NAALADL2: variants seen among roughly 807,000 people sequenced by gnomAD.
NAALADL2 encodes the protein N-acetylated alpha-linked acidic dipeptidase like 2, also known as inactive N-acetylated-alpha-linked acidic dipeptidase-like protein 2.
In NAALADL2, 76 loss-of-function variants were observed where a neutral mutation model predicts 87.2. The ratio of observed to expected loss-of-function variants is 0.87; its 90% CI spans 0.72 to 1.05. The LOEUF is 1.05. Ranked by LOEUF, NAALADL2 falls within the 50% of genes least tolerant of loss-of-function variation. NAALADL2 has a pLI of 0.00. For missense variants in NAALADL2, 1,089 were observed against 945.8 expected, an observed-to-expected ratio of 1.15 and a Z score of -1.99; for synonymous variants, 354 against 331.0, an observed-to-expected ratio of 1.07 and a Z score of -0.75.
At chr3:175,399,994 C>T (rs1467362551) in intron 5 of NAALADL2, among the ~76,000 whole-genome samples, 1 of 152,068 alleles carries the variant, frequency 6.6e-6, no homozygotes, top group Non-Finnish European at 1.5e-5. Flanking sequence ...ATGTTCCAGA[C>T]ATCAAACATG....
At chr3:174,851,055 T>C (rs1318523374) in intron 3 of NAALADL2, among the ~76,000 whole-genome samples, 1 of 152,052 alleles carries the variant, frequency 6.6e-6, no homozygotes, top group Non-Finnish European at 1.5e-5. Flanking sequence ...TTTTCAATTC[T>C]AGAAACAAAT....
At chr3:175,320,224 C>A (rs532421468) in intron 4 of NAALADL2, among the ~76,000 whole-genome samples, 3 of 152,100 alleles carry the variant, frequency 2.0e-5, no homozygotes, top group African/African-American at 7.2e-5. Flanking sequence ...AATGAATAAG[C>A]TTTTTACAAA....
intron 2 of NAALADL2, among the ~76,000 whole-genome samples, chr3:174,624,524 T>C (rs1721360882): frequency 1.3e-5 from 2 of 151,738 alleles, no homozygotes; most frequent in Non-Finnish European, 1.5e-5. Context: ...CTTGGGAGGC[T>C]GAGGCAGGAG....
chr3:175,000,849 C>T (rs1005683852), intron 1 of NAALADL2, among the ~76,000 whole-genome samples: 1 of 152,120 alleles, frequency 6.6e-6, no homozygotes, highest in Non-Finnish European at 1.5e-5. Flanking sequence ...ATATTATTTT[C>T]TTTTTACATA....
intron 1 of NAALADL2, chr3:175,079,272 G>C (rs957442544): frequency 2.6e-5 from 4 of 152,082 alleles, no homozygotes; most frequent in Non-Finnish European, 5.9e-5. Flanking sequence ...TTTTTAAATT[G>C]GATTGTCTTT....
At chr3:175,591,810 A>G (rs763744226) in intron 10 of NAALADL2, among the ~76,000 whole-genome samples, 5,752 of 130,116 alleles carry the variant, frequency 0.044, 239 homozygotes, top group Admixed American at 0.086. Flanking sequence ...ATATATATAT[A>G]TATATATATA....
At chr3:174,951,711 A>G (rs1249596670) in intron 1 of NAALADL2, among the ~76,000 whole-genome samples, 1 of 152,134 alleles carries the variant, frequency 6.6e-6, no homozygotes, top group East Asian at 1.9e-4. Flanking sequence ...TTTGTGTTGC[A>G]TCATCCTTCC....
intron 1 of NAALADL2, among the ~76,000 whole-genome samples, chr3:174,472,945 C>T (rs1391787086): frequency 6.6e-6 from 1 of 152,028 alleles, no homozygotes; most frequent in African/African-American, 2.4e-5. Context: ...AAAATATCAC[C>T]TAGGTTATAT....
rs577700465 is a variant in NAALADL2, at chr3:174,870,382, A to G, written c.43+10932A>G. On this transcript the variant is annotated intron_variant, in intron 1 of 13. Transcript: ENST00000454872. ...TGTGTAACATTAGGAAAGCATCCAT[A>G]TATACCACTGACCATATAGTATGAA... Among the ~76,000 whole-genome samples, 5 of 152,272 alleles carry G rather than the reference A, an allele frequency of 3.3e-5. No individual in the cohort carries two copies. In the East Asian group the frequency reaches 9.7e-4, roughly 29 times the overall value.
intron 2 of NAALADL2, among the ~76,000 whole-genome samples, chr3:174,587,627 A>G (rs1188877445): frequency 1.3e-5 from 2 of 152,104 alleles, no homozygotes; most frequent in African/African-American, 4.8e-5. Context: ...TTTCTCCTTC[A>G]CTTATGAAGC....
chr3:175,263,779 A>T (rs1324661431), intron 4 of NAALADL2, among the ~76,000 whole-genome samples: 2 of 151,810 alleles, frequency 1.3e-5, no homozygotes, highest in Non-Finnish European at 3.0e-5. Flanking sequence ...GGAAAGAAAC[A>T]GCAGCTAATC....
intron 5 of NAALADL2, among the ~76,000 whole-genome samples, chr3:175,362,645 A>C (rs1208943320): frequency 6.7e-6 from 1 of 148,222 alleles, no homozygotes; most frequent in Non-Finnish European, 1.5e-5. Context: ...ATAAACATGC[A>C]TGTTGAAGAA....
chr3:175,655,380 AT>A (rs1731314538), intron 11 of NAALADL2: 1 of 264,280 alleles, frequency 3.8e-6, no homozygotes, highest in Admixed American at 5.2e-5. Context: ...GTTTTTTCAA[AT>A]TATTGGAAAT....
chr3:175,080,994 A>AT (rs1371613365), intron 1 of NAALADL2: 5 of 152,192 alleles, frequency 3.3e-5, no homozygotes, highest in Non-Finnish European at 7.3e-5. Context: ...CCTGGAGCAT[A>AT]TTTCATATCC....
chr3:175,409,240 C>T (rs1713003516), intron 5 of NAALADL2, among the ~76,000 whole-genome samples: 1 of 151,210 alleles, frequency 6.6e-6, no homozygotes, highest in Admixed American at 6.6e-5. Flanking sequence ...GGAGAAATTT[C>T]TAAAAGTCAT....
chr3:174,581,525 G>C (rs1716167619), intron 2 of NAALADL2, among the ~76,000 whole-genome samples: 1 of 152,090 alleles, frequency 6.6e-6, no homozygotes, highest in Non-Finnish European at 1.5e-5. Context: ...CTGAGTGTTG[G>C]GGATAAAAAG....
At chr3:174,770,300 T>C (rs755413811) in intron 3 of NAALADL2, among the ~76,000 whole-genome samples, 1 of 152,232 alleles carries the variant, frequency 6.6e-6, no homozygotes, top group Non-Finnish European at 1.5e-5. Context: ...AAAAGTGATA[T>C]GTAACCAATT....
rs1342446989 is a variant in NAALADL2 at position 175,410,294 on chromosome 3, A to T, written c.1091-36935A>T. Among the ~76,000 whole-genome samples, 5 of 152,264 alleles carry T rather than the reference A, an allele frequency of 3.3e-5. No homozygotes were observed. The East Asian group carries it at 9.6e-4, about 29-fold the overall frequency. ...TCTTCTTTTGAAACTATGTACATAC[A>T]CTATTTTAATAGAAACATTTCTTAA... On this transcript the variant is annotated intron_variant, in intron 5 of 13. Coordinates refer to ENST00000454872, the MANE Select transcript of NAALADL2 (RefSeq NM_207015.3).
chr3:175,415,300 A>T (rs1372284943), intron 5 of NAALADL2, among the ~76,000 whole-genome samples: 1 of 152,080 alleles, frequency 6.6e-6, no homozygotes, highest in Non-Finnish European at 1.5e-5. Flanking sequence ...AAAAAATTGG[A>T]CTTCATTGTA....
Sources: allele counts gnomAD v4.1 joint callset (sites outside exome capture counted in the v4.1 genomes callset), GRCh38; gene constraint gnomAD v4.1.1; transcripts MANE v1.5; gene names NCBI Gene and HGNC (gene_info 2026-07-23, HGNC 2026-07-21).